Variants in FAR1 observed in about 807,000 individuals in gnomAD.
FAR1 encodes fatty acyl-CoA reductase 1.
FAR1 carries 22 observed loss-of-function variants against 61.1 expected under a neutral mutation model. The observed-to-expected ratio is 0.36, with a 90% CI of 0.26 to 0.51. FAR1 has a LOEUF of 0.51. Among genes scored for constraint, FAR1 ranks in the 20% least tolerant of loss-of-function variants. FAR1 has a pLI of 0.95. For missense variants in FAR1, 359 were observed against 626.9 expected, an observed-to-expected ratio of 0.57 and a Z score of 4.56; for synonymous variants, 206 against 209.7, an observed-to-expected ratio of 0.98 and a Z score of 0.15.
At chr11:13,690,874 T>G (rs1364887567) in intron 1 of FAR1, among the ~76,000 whole-genome samples, 1 of 152,240 alleles carries the variant, frequency 6.6e-6, no homozygotes, top group African/African-American at 2.4e-5. Flanking sequence ...AGGTGTTGTT[T>G]AATTTCTGTC....
intron 1 of FAR1, among the ~76,000 whole-genome samples, chr11:13,681,136 A>G (rs1316568928): frequency 2.0e-5 from 3 of 152,206 alleles, no homozygotes; most frequent in Non-Finnish European, 4.4e-5. Flanking sequence ...TTAATTGAAC[A>G]TGGGAATGTG....
chr11:13,673,914 T>A (rs1293951560), intron 1 of FAR1, among the ~76,000 whole-genome samples: 1 of 152,232 alleles, frequency 6.6e-6, no homozygotes, highest in Non-Finnish European at 1.5e-5. Context: ...ATTATTTTTT[T>A]AAATATGATT....
At position 13,677,098 on chromosome 11, in the gene FAR1, A is replaced by G. The variant is rs542560374; in HGVS notation, c.-8+8292A>G. On this transcript the variant is annotated intron_variant, in intron 1 of 11. Transcript: ENST00000354817. ...TGTTTGTCTTTTCATTCTGGATCTC[A>G]GTATTTGGAGAAGGAAGTATATTAA... Among the ~76,000 whole-genome samples the G allele has an allele frequency of 5.9e-5, 9 of 152,312 alleles. No individual in the cohort carries two copies. The South Asian group carries it at 1.9e-3, about 32-fold the overall frequency.
intron 4 of FAR1, 135 bp downstream of exon 4, chr11:13,708,214 A>G: frequency 1.9e-6 from 1 of 523,730 alleles, no homozygotes; most frequent in Non-Finnish European, 3.1e-6. Context: ...TACGAAAAAA[A>G]TTAGCCAGGC....
At chr11:13,690,362 G>A (rs1269941017) in intron 1 of FAR1, among the ~76,000 whole-genome samples, 1 of 151,546 alleles carries the variant, frequency 6.6e-6, no homozygotes, top group Non-Finnish European at 1.5e-5. Flanking sequence ...TCTCTTTATT[G>A]TTAATGTCTT....
At chr11:13,725,244 A>T (rs1175966121) in intron 10 of FAR1, among the ~76,000 whole-genome samples, 1 of 152,138 alleles carries the variant, frequency 6.6e-6, no homozygotes, top group Admixed American at 6.5e-5. Context: ...TTAGCAGGTA[A>T]TGGCAGTTTT....
chr11:13,711,651 G>C (rs936551606), intron 5 of FAR1, 113 bp from the exon 6 acceptor site: 2 of 814,880 alleles, frequency 2.5e-6, no homozygotes, highest in Non-Finnish European at 4.1e-6. Context: ...CTGTTTTTTA[G>C]TTTTTAGAAG....
In FAR1 at chr11:13,732,179, A is replaced by G. The variant is rs1165208549; in HGVS notation, c.*3405A>G. On this transcript the variant is annotated 3_prime_UTR_variant, in exon 12 of 12. Coordinates refer to ENST00000354817, the MANE Select transcript of FAR1 (RefSeq NM_032228.6). ...TGAATTAATATTTTTGTCTTGAAGC[A>G]TTTTCTAGTGATAGAATGTATTTGT... 6.6e-6 allele frequency: 1 copy of G among 152,068 alleles called. No homozygotes were observed. Among genetic ancestry groups the G allele is most frequent in the African/African-American group, 2.4e-5 (1 of 41,410 alleles). The allele number at this position is 152,068 out of a possible 1,614,324, so 9.4% of individuals were successfully genotyped here. A position where few individuals can be genotyped will look rare whatever the true frequency, so the allele number is the denominator to read the frequency against.
At chr11:13,715,472 A>G (rs1199582194) in intron 9 of FAR1, among the ~76,000 whole-genome samples, 1 of 152,158 alleles carries the variant, frequency 6.6e-6, no homozygotes, top group Admixed American at 6.5e-5. Context: ...ATTAAGGGCA[A>G]AAGTTTTGCT....
chr11:13,683,187 G>A lies in FAR1; in HGVS notation c.-7-11572G>A, dbSNP rs572547638. Among the ~76,000 whole-genome samples the A allele has an allele frequency of 1.2e-3, 177 of 152,272 alleles. 5 individuals carry two copies. In the South Asian group the frequency reaches 0.035, roughly 30 times the overall value. ...GCAGGTGGATTTTTTGAGGTCAGGA[G>A]TTGGAGACCAGCCTGGCCAACATGG... On this transcript the variant is annotated intron_variant, in intron 1 of 11. Coordinates refer to ENST00000354817, the MANE Select transcript of FAR1 (RefSeq NM_032228.6).
chr11:13,727,809 C>A (rs1171173116), intron 11 of FAR1, 126 bp downstream of exon 11: 1 of 875,898 alleles, frequency 1.1e-6, no homozygotes, highest in Non-Finnish European at 1.7e-6. Flanking sequence ...TAATGGTAAT[C>A]TCTTATATTT....
intron 7 of FAR1, among the ~76,000 whole-genome samples, chr11:13,712,699 A>G (rs1848513504): frequency 1.3e-5 from 2 of 152,146 alleles, no homozygotes; most frequent in Admixed American, 1.3e-4. Flanking sequence ...GTTTAAAAAT[A>G]GACATTCCTG....
At chr11:13,720,407 A>T (rs1848597952) in intron 9 of FAR1, 1 of 152,152 alleles carries the variant, frequency 6.6e-6, no homozygotes, top group Non-Finnish European at 1.5e-5. Context: ...TAAGAGCAGC[A>T]TGTGTTTTTC....
intron 4 of FAR1, among the ~76,000 whole-genome samples, chr11:13,708,919 TTAAA>T (rs1848468929): frequency 6.6e-6 from 1 of 152,186 alleles, no homozygotes; most frequent in South Asian, 2.1e-4. Flanking sequence ...TAGATAGGGA[TTAAA>T]TGAGGGAGTA....
intron 2 of FAR1, among the ~76,000 whole-genome samples, chr11:13,696,899 A>G (rs1848312101): frequency 6.6e-6 from 1 of 152,188 alleles, no homozygotes; most frequent in Non-Finnish European, 1.5e-5. Context: ...ATACCACCAT[A>G]TGGGACATTG....
At chr11:13,718,735 A>C (rs1475141707) in intron 9 of FAR1, among the ~76,000 whole-genome samples, 2 of 152,180 alleles carry the variant, frequency 1.3e-5, no homozygotes, top group African/African-American at 4.8e-5. Flanking sequence ...GAATTCTAGA[A>C]GGGTTAGCTT....
intron 1 of FAR1, among the ~76,000 whole-genome samples, chr11:13,681,791 T>A (rs1228903095): frequency 6.6e-6 from 1 of 152,216 alleles, no homozygotes; most frequent in Non-Finnish European, 1.5e-5. Context: ...GGTGGTTGTT[T>A]TAAAACACTA....
intron 3 of FAR1, 51 bp downstream of exon 3, chr11:13,700,543 A>T: frequency 8.7e-7 from 1 of 1,152,592 alleles, no homozygotes; most frequent in Non-Finnish European, 1.2e-6. Flanking sequence ...GTTATTAAAA[A>T]ATCTCATTTT....
chr11:13,728,866 A>C lies in FAR1; in HGVS notation c.*92A>C. On this transcript the variant is annotated 3_prime_UTR_variant, in exon 12 of 12. Transcript: ENST00000354817. ...ATAAGTCATCTCACTTTTTGTCAAGACATTAAACCATCTTAGATCGGAGTG... is the reference window on the plus strand; with the variant it reads ...ATAAGTCATCTCACTTTTTGTCAAGCCATTAAACCATCTTAGATCGGAGTG... 1 of 1,176,380 alleles carries C rather than the reference A, an allele frequency of 8.5e-7. No homozygotes were observed. Among genetic ancestry groups the C allele is most frequent in the Non-Finnish European group, 1.2e-6 (1 of 827,138 alleles). The allele number at this position is 1,176,380 out of a possible 1,614,324, so 72.9% of individuals were successfully genotyped here.
Sources: allele counts gnomAD v4.1 joint callset (sites outside exome capture counted in the v4.1 genomes callset), GRCh38; gene constraint gnomAD v4.1.1; transcripts MANE v1.5; gene names NCBI Gene and HGNC (gene_info 2026-07-23, HGNC 2026-07-21).